FANCA: variants seen among roughly 807,000 people sequenced by gnomAD.
FANCA encodes the protein FA complementation group A, also known as Fanconi anemia group A protein.
A neutral mutation model predicts 194.3 loss-of-function variants in FANCA; 236 were observed. That is an observed-to-expected ratio of 1.21 (90% CI 1.09 to 1.35). FANCA has a LOEUF of 1.35. Ranked by LOEUF, FANCA falls within the 40% of genes most tolerant of loss-of-function variation. FANCA has a pLI of 0.00. For synonymous variants in FANCA, 1,014 were observed against 715.8 expected (o/e 1.42, Z -6.65); for missense variants, 2,628 against 1,813.9 (o/e 1.45, Z -8.15).
At chr16:89,811,585 T>C (rs1354403207) in intron 3 of FANCA, among the ~76,000 whole-genome samples, 2 of 152,082 alleles carry the variant, frequency 1.3e-5, no homozygotes, top group Non-Finnish European at 2.9e-5. Flanking sequence ...AAGTGGAACC[T>C]CACTAACAGC....
chr16:89,750,804 A>C (rs769714034), intron 31 of FANCA, among the ~76,000 whole-genome samples: 1 of 152,080 alleles, frequency 6.6e-6, no homozygotes, highest in Non-Finnish European at 1.5e-5. Flanking sequence ...ACAAAAAAAA[A>C]CAGCAGGAGG....
At chr16:89,783,667 G>A (rs1313171517) in intron 15 of FANCA, among the ~76,000 whole-genome samples, 1 of 152,190 alleles carries the variant, frequency 6.6e-6, no homozygotes, top group Non-Finnish European at 1.5e-5. Context: ...GGGGGAACCA[G>A]GGATGTGCAA....
At chr16:89,791,253 G>C in intron 14 of FANCA, 150 bp downstream of exon 14, 1 of 1,033,032 alleles carries the variant, frequency 9.7e-7, no homozygotes, top group Non-Finnish European at 1.5e-6. Flanking sequence ...CTCGGCACAC[G>C]CAGAGGAAGA....
Position 89,779,925 on chromosome 16 carries a change from C to CT in FANCA, c.1658dup (p.Ala554GlyfsTer6), listed in dbSNP as rs1266142642. ...CCGTATGCTCAAACACCATGATGGC[C>CT]TTTTCAACATCCTGAAGAGCTTGGC... On this transcript the variant is annotated frameshift_variant, in exon 18 of 43. Coordinates refer to ENST00000389301, the MANE Select transcript of FANCA (RefSeq NM_000135.4). LOFTEE classifies it high-confidence loss of function. 6.2e-7 allele frequency: 1 copy of CT among 1,614,194 alleles called. No homozygotes were observed. Among genetic ancestry groups the CT allele is most frequent in the Non-Finnish European group, 8.5e-7 (1 of 1,180,040 alleles).
chr16:89,741,926 G>A (rs142302398), intron 37 of FANCA, among the ~76,000 whole-genome samples: 36 of 152,198 alleles, frequency 2.4e-4, no homozygotes, highest in African/African-American at 6.5e-4. Context: ...TCAAGCCTGG[G>A]CAACACAGTG....
At chr16:89,797,897 A>AAAATAAAT (rs71137676) in intron 10 of FANCA, among the ~76,000 whole-genome samples, 24 of 152,008 alleles carry the variant, frequency 1.6e-4, no homozygotes, top group African/African-American at 4.6e-4. Flanking sequence ...CTCTGTCTCA[A>AAAATAAAT]AAATAAATAA....
chr16:89,778,654 A>AAAC, intron 20 of FANCA, 147 bp downstream of exon 20: 1 of 681,754 alleles, frequency 1.5e-6, no homozygotes, highest in Non-Finnish European at 2.4e-6. Flanking sequence ...AAAAAAAAAA[A>AAAC]AAAGTAACCA....
At chr16:89,767,635 A>C (rs1313387788) in intron 26 of FANCA, among the ~76,000 whole-genome samples, 1 of 150,098 alleles carries the variant, frequency 6.7e-6, no homozygotes, top group Non-Finnish European at 1.5e-5. Flanking sequence ...TGCACCCTCC[A>C]CCTCCCAGGT....
At chr16:89,752,072 A>T in intron 31 of FANCA, 66 bp downstream of exon 31, 1 of 1,456,114 alleles carries the variant, frequency 6.9e-7, no homozygotes, top group Non-Finnish European at 9.6e-7. Flanking sequence ...GCCTGGCAAT[A>T]AATATCTTAA....
Position 89,749,747 on chromosome 16 carries a change from C to T in FANCA, c.3222G>A (p.Glu1074=), listed in dbSNP as rs575923160. The T allele has an allele frequency of 1.2e-6, 2 of 1,614,094 alleles. No individual in the cohort carries two copies. Among genetic ancestry groups the T allele is most frequent in the South Asian group, 1.1e-5 (1 of 91,072 alleles). ...SVAASLQRQR[E]LLMYKRILLR... ...GGTGTTACCGTTTGTACATTAGCAG[C>T]TCCCTCTGTCTCTGAAGGCTGGCAG... Residue 1074 remains glutamate (E), a synonymous_variant, in exon 32 of 43, where the codon GAG becomes GAA. Transcript: ENST00000389301.
At chr16:89,761,720 G>A (rs1362762938) in intron 29 of FANCA, among the ~76,000 whole-genome samples, 2 of 152,108 alleles carry the variant, frequency 1.3e-5, no homozygotes, top group Non-Finnish European at 2.9e-5. Flanking sequence ...TACCTCCCAG[G>A]CTCAAGCAAT....
chr16:89,779,277 T>A lies in FANCA; in HGVS notation c.1716-274A>T, dbSNP rs547089598. 1.1e-4 allele frequency among the ~76,000 whole-genome samples: 17 copies of A among 152,244 alleles called. No homozygotes were observed. The South Asian group carries it at 3.5e-3, about 32-fold the overall frequency. On this transcript the variant is annotated intron_variant, in intron 18 of 42. Transcript: ENST00000389301. ...TCAATCTGAGGCCACGAGGACCATG[T>A]AAGGTCCATTTGGGGCAATTTCCTT...
rs1567618369 is a variant in FANCA at position 89,770,117 on chromosome 16, GCCCTCAGAGTGGGCCCCCAAGGGTGGCC to G, written c.2316+21_2316+48del. The stretch of plus-strand genomic sequence containing the variant: ...AGACGAATTGAGAAGTAGCAGCCTG[GCCCTCAGAGTGGGCCCCCAAGGGTGGCC>G]CCCATGAAGGAGAGCCTCACCTGGT... On this transcript the variant is annotated intron_variant, in intron 25 of 42. Transcript: ENST00000389301. 3 of 1,571,220 alleles carry G rather than the reference GCCCTCAGAGTGGGCCCCCAAGGGTGGCC, an allele frequency of 1.9e-6. No homozygotes were observed. In the South Asian group the frequency reaches 3.5e-5, roughly 18 times the overall value.
intron 14 of FANCA, among the ~76,000 whole-genome samples, chr16:89,789,436 CTTTTTTTTTT>C (rs532159256): frequency 9.8e-6 from 1 of 102,556 alleles, no homozygotes; most frequent in Non-Finnish European, 1.8e-5. Flanking sequence ...AAACTCAATA[CTTTTTTTTTT>C]TTTTTTTTTT....
chr16:89,750,978 G>C (rs2038568879), intron 31 of FANCA, among the ~76,000 whole-genome samples: 1 of 152,158 alleles, frequency 6.6e-6, no homozygotes, highest in Non-Finnish European at 1.5e-5. Context: ...TGGCAGCCTT[G>C]ACTCTCGAGC....
intron 15 of FANCA, among the ~76,000 whole-genome samples, chr16:89,783,507 C>T (rs1434453378): frequency 4.0e-5 from 6 of 150,864 alleles, no homozygotes; most frequent in Non-Finnish European, 7.4e-5. Flanking sequence ...GCCGAGATCG[C>T]GCCACTGCAC....
intron 14 of FANCA, among the ~76,000 whole-genome samples, chr16:89,789,635 C>CA (rs1404407652): frequency 2.6e-5 from 4 of 151,908 alleles, no homozygotes; most frequent in Admixed American, 6.6e-5. Flanking sequence ...ACCGGGGTCT[C>CA]ACTGTGCTGC....
At chr16:89,769,763 T>A in intron 26 of FANCA, 74 bp downstream of exon 26, 1 of 1,541,406 alleles carries the variant, frequency 6.5e-7, no homozygotes, top group South Asian at 1.2e-5. Context: ...CTGTCTCTTC[T>A]AATTTTATCA....
intron 28 of FANCA, 198 bp downstream of exon 28, chr16:89,764,692 C>A: frequency 1.4e-6 from 1 of 697,116 alleles, no homozygotes; most frequent in South Asian, 1.5e-5. Flanking sequence ...GCTGTTCTTG[C>A]CTCTGAGGAG....
Sources: gnomAD v4.1 joint callset for allele counts (sites outside exome capture counted in the v4.1 genomes callset) on GRCh38, gnomAD v4.1.1 for gene constraint, MANE v1.5 for transcripts, NCBI Gene and HGNC (gene_info 2026-07-23, HGNC 2026-07-21) for gene names.